The following TRPC1 variants were observed in gnomAD, a reference collection of about 807,000 sequenced individuals.
TRPC1 encodes transient receptor potential cation channel subfamily C member 1.
Under a neutral mutation model 88.2 loss-of-function variants are expected in TRPC1, and 42 were observed. That is an observed-to-expected ratio of 0.48 (90% CI 0.37 to 0.62). TRPC1 has a LOEUF of 0.62. Ranked by LOEUF, TRPC1 falls within the 20% of genes least tolerant of loss-of-function variation. TRPC1 has a pLI of 0.00. For synonymous variants in TRPC1, 288 were observed against 331.8 expected, an observed-to-expected ratio of 0.87 and a Z score of 1.43; for missense variants, 699 against 957.3, an observed-to-expected ratio of 0.73 and a Z score of 3.56.
At chr3:142,749,360 T>G (rs1488255769) in intron 4 of TRPC1, among the ~76,000 whole-genome samples, 1 of 152,206 alleles carries the variant, frequency 6.6e-6, no homozygotes, top group African/African-American at 2.4e-5. Flanking sequence ...CTTTTATCAT[T>G]ATGTTAGTGT....
chr3:142,759,762 G>C (rs765724665), intron 4 of TRPC1, among the ~76,000 whole-genome samples: 4 of 152,146 alleles, frequency 2.6e-5, no homozygotes, highest in Non-Finnish European at 5.9e-5. Flanking sequence ...CCCTGCCCAT[G>C]CCTATGTCCT....
rs1318242927 is a variant in TRPC1, at chr3:142,784,746, T to G, written c.1003T>G (p.Trp335Gly). 6.2e-7 allele frequency: 1 copy of G among 1,614,030 alleles called. No homozygotes were observed. Among genetic ancestry groups the G allele is most frequent in the Non-Finnish European group, 8.5e-7 (1 of 1,179,958 alleles). Residue 335 changes from tryptophan (W) to glycine (G), a missense_variant, in exon 7 of 13, where the codon TGG (tryptophan) becomes GGG (glycine). By Grantham distance (184) the Trp-to-Gly change is radical (BLOSUM62 -2). Transcript: ENST00000476941. ...CTGCCAGCAGTTCCTGAACACTGTT[T>G]GGTTTGGACAGATGTCGGGTTACCG... ...SNCQQFLNTV[W>G]FGQMSGYRRK...
chr3:142,746,927 T>C (rs1368377965), intron 3 of TRPC1, among the ~76,000 whole-genome samples: 1 of 151,834 alleles, frequency 6.6e-6, no homozygotes, highest in African/African-American at 2.4e-5. Context: ...AATGAGATAA[T>C]CCTAAATTTG....
At chr3:142,769,215 A>G (rs898347079) in intron 4 of TRPC1, among the ~76,000 whole-genome samples, 1 of 152,068 alleles carries the variant, frequency 6.6e-6, no homozygotes, top group Non-Finnish European at 1.5e-5. Context: ...TCATATATCT[A>G]TAGGTATGTA....
chr3:142,730,757 T>C (rs1246042985), intron 1 of TRPC1, among the ~76,000 whole-genome samples: 1 of 152,190 alleles, frequency 6.6e-6, no homozygotes, highest in Non-Finnish European at 1.5e-5. Context: ...TCATTCTTTT[T>C]CCTCTTAATA....
intron 4 of TRPC1, among the ~76,000 whole-genome samples, chr3:142,757,211 A>G (rs1283738374): frequency 6.9e-6 from 1 of 145,124 alleles, no homozygotes; most frequent in Non-Finnish European, 1.5e-5. Flanking sequence ...TCTTGGCTAT[A>G]TTGATTTCCT....
chr3:142,757,372 C>G (rs532583087), intron 4 of TRPC1, among the ~76,000 whole-genome samples: 2 of 151,940 alleles, frequency 1.3e-5, no homozygotes, highest in African/African-American at 4.8e-5. Flanking sequence ...TATTGCGGCA[C>G]TATTCACAAT....
chr3:142,804,162 G>A lies in TRPC1; in HGVS notation c.1943G>A (p.Ser648Asn). 1 of 1,613,776 alleles carries A rather than the reference G, an allele frequency of 6.2e-7. No homozygotes were observed. The highest frequency in any genetic ancestry group is 8.5e-7 in the Non-Finnish European group (1 of 1,179,834). ...CTGCTGGTGGCAATGCTTCATAAAA[G>A]CTTTCAGTTGATAGCAGTAAGTTCA... is the stretch of plus-strand genomic sequence containing the variant. ...TKLLVAMLHKSFQLIANHEDK... is the reference protein window; with the variant it reads ...TKLLVAMLHKNFQLIANHEDK... The change falls in exon 11 of 13, where the codon AGC becomes AAC. Residue 648 changes from serine (S) to asparagine (N), a missense_variant. This residue lies in a region of TRPC1 where 11 missense variants were observed against 47.2 expected (regional missense o/e 0.23). Transcript: ENST00000476941.
chr3:142,751,083 TA>T (rs1224583262), intron 4 of TRPC1, among the ~76,000 whole-genome samples: 1 of 152,080 alleles, frequency 6.6e-6, no homozygotes, highest in Non-Finnish European at 1.5e-5. Context: ...GTTTACAAAA[TA>T]AAAAAATTAC....
Position 142,743,475 on chromosome 3 carries a change from T to G in TRPC1, c.328-10T>G, listed in dbSNP as rs1202662323. On this transcript the variant is annotated splice_polypyrimidine_tract_variant and intron_variant, in intron 2 of 12. Coordinates refer to ENST00000476941, the MANE Select transcript of TRPC1 (RefSeq NM_001251845.2). ...TCCATTTTCATTTTTAACTTTTTTTTTTTTTGAAGTCTGCAGATGCACTTT... is the reference window on the plus strand; with the variant it reads ...TCCATTTTCATTTTTAACTTTTTTTGTTTTTGAAGTCTGCAGATGCACTTT... 8 of 1,487,484 alleles carry G rather than the reference T, an allele frequency of 5.4e-6. No individual in the cohort carries two copies. In the Admixed American group the frequency reaches 1.0e-4, roughly 19 times the overall value. The allele number at this position is 1,487,484 out of a possible 1,614,324, so 92.1% of individuals were successfully genotyped here.
intron 7 of TRPC1, 105 bp downstream of exon 7, chr3:142,785,145 G>A (rs1258616178): frequency 4.3e-6 from 4 of 922,128 alleles, no homozygotes; most frequent in South Asian, 1.8e-5. Flanking sequence ...ATTTTACACT[G>A]TTCACACCAC....
chr3:142,804,212 C>G, intron 11 of TRPC1, 34 bp downstream of exon 11: 1 of 1,601,510 alleles, frequency 6.2e-7, no homozygotes. Flanking sequence ...TTATATTCTC[C>G]TCAGACCATA....
intron 1 of TRPC1, among the ~76,000 whole-genome samples, chr3:142,727,981 C>CT (rs1392341425): frequency 6.7e-6 from 1 of 149,098 alleles, no homozygotes; most frequent in African/African-American, 2.5e-5. Flanking sequence ...TAATTTTCCT[C>CT]TAAAAAAAAA....
intron 2 of TRPC1, 62 bp from the exon 3 acceptor site, chr3:142,743,423 A>G: frequency 3.2e-6 from 4 of 1,230,794 alleles, no homozygotes; most frequent in East Asian, 2.6e-5. Flanking sequence ...ATGAATTAGT[A>G]AAAAGAAGTA....
intron 7 of TRPC1, among the ~76,000 whole-genome samples, chr3:142,788,361 T>G (rs921980174): frequency 1.3e-5 from 2 of 152,066 alleles, no homozygotes; most frequent in Non-Finnish European, 2.9e-5. Flanking sequence ...ATTTATAATG[T>G]AAGGCCAGTA....
Position 142,737,103 on chromosome 3 carries a change from G to A in TRPC1, c.327+570G>A, listed in dbSNP as rs144390185. On this transcript the variant is annotated intron_variant, in intron 2 of 12. Transcript: ENST00000476941. ...CATATCAGTTTGGGTAGAAAAACAG[G>A]CATGTGTGTAAGTCTTGAATGAATT... 5.2e-3 allele frequency among the ~76,000 whole-genome samples: 794 copies of A among 152,140 alleles called. 7 individuals carry two copies. Among genetic ancestry groups the A allele is most frequent in the African/African-American group, 0.018 (738 of 41,526 alleles).
chr3:142,766,136 T>C (rs1019373379), intron 4 of TRPC1, among the ~76,000 whole-genome samples: 5 of 152,338 alleles, frequency 3.3e-5, no homozygotes, highest in Non-Finnish European at 7.3e-5. Flanking sequence ...TATCGCTTTA[T>C]AGTAAGTTTT....
chr3:142,783,891 A>T (rs150299115), intron 6 of TRPC1, among the ~76,000 whole-genome samples: 28 of 152,326 alleles, frequency 1.8e-4, no homozygotes, highest in Middle Eastern at 3.4e-3. Flanking sequence ...ACTTCACAAC[A>T]TGAGCATTAT....
At chr3:142,769,920 C>A (rs1358991237) in intron 4 of TRPC1, among the ~76,000 whole-genome samples, 1 of 151,914 alleles carries the variant, frequency 6.6e-6, no homozygotes, top group Non-Finnish European at 1.5e-5. Context: ...TTTAAGTCTT[C>A]TATTTCCTTG....
Sources: allele counts gnomAD v4.1 joint callset (sites outside exome capture counted in the v4.1 genomes callset), GRCh38; gene constraint gnomAD v4.1.1; regional missense constraint gnomAD v4.1.1; transcripts MANE v1.5; gene names NCBI Gene and HGNC (gene_info 2026-07-23, HGNC 2026-07-21).